Variants in MOB3B observed in about 807,000 individuals in gnomAD.
MOB3B encodes MOB kinase activator 3B, also known as MOB kinase activator-like 2B.
A neutral mutation model predicts 18.7 loss-of-function variants in MOB3B; 7 were observed. The observed-to-expected ratio is 0.37, with a 90% CI of 0.21 to 0.70. The LOEUF (loss-of-function observed/expected upper bound fraction) is 0.70, where lower values mean the gene tolerates loss of function less well. MOB3B is among the 30% of genes least tolerant of loss of function. The probability of loss-of-function intolerance (pLI) is 0.52; values close to 1 mark genes in which losing one functional copy is unlikely to be tolerated. For synonymous variants in MOB3B, 111 were observed against 99.9 expected, an observed-to-expected ratio of 1.11 and a Z score of -0.66; for missense variants, 253 against 281.3, an observed-to-expected ratio of 0.90 and a Z score of 0.72.
intron 1 of MOB3B, among the ~76,000 whole-genome samples, chr9:27,481,219 C>T (rs1052249111): frequency 2.0e-5 from 3 of 152,136 alleles, no homozygotes; most frequent in African/African-American, 7.2e-5. Context: ...AGAAACTGTG[C>T]AACAAACAGC....
At chr9:27,460,088 G>A (rs956827409) in intron 1 of MOB3B, among the ~76,000 whole-genome samples, 15 of 152,178 alleles carry the variant, frequency 9.9e-5, no homozygotes, top group African/African-American at 3.4e-4. Flanking sequence ...TAAAAATGTG[G>A]TCCCTGTCTA....
At chr9:27,330,900 T>C (rs1226009286) in intron 3 of MOB3B, among the ~76,000 whole-genome samples, 1 of 152,182 alleles carries the variant, frequency 6.6e-6, no homozygotes, top group East Asian at 1.9e-4. Context: ...TCTGAACAAC[T>C]GGAGTTGAAG....
chr9:27,377,460 G>C (rs1371222020), intron 2 of MOB3B, among the ~76,000 whole-genome samples: 1 of 152,136 alleles, frequency 6.6e-6, no homozygotes, highest in African/African-American at 2.4e-5. Flanking sequence ...GCCAGGGGTG[G>C]GAGGAAGGGG....
At chr9:27,371,911 T>C (rs1177202923) in intron 2 of MOB3B, among the ~76,000 whole-genome samples, 1 of 152,170 alleles carries the variant, frequency 6.6e-6, no homozygotes, top group African/African-American at 2.4e-5. Context: ...TTTTCAAACG[T>C]TTTATTTATT....
intron 3 of MOB3B, among the ~76,000 whole-genome samples, chr9:27,342,743 C>T (rs528489453): frequency 2.0e-5 from 3 of 152,006 alleles, no homozygotes; most frequent in East Asian, 2.0e-4. Context: ...GCCGGGATTG[C>T]AGATGGAGTC....
At chr9:27,483,125 CTTTTTTTTTTTT>C (rs71492747) in intron 1 of MOB3B, among the ~76,000 whole-genome samples, 4 of 68,544 alleles carry the variant, frequency 5.8e-5, no homozygotes, top group Non-Finnish European at 7.6e-5. Flanking sequence ...ATATACGGTA[CTTTTTTTTTTTT>C]TTTTTTTTTT....
intron 1 of MOB3B, among the ~76,000 whole-genome samples, chr9:27,494,594 A>G (rs577720656): frequency 6.6e-6 from 1 of 152,344 alleles, no homozygotes; most frequent in Admixed American, 6.5e-5. Context: ...GGCTCACTGC[A>G]ACCTCCGCCC....
rs1186511779 is a variant in MOB3B at position 27,397,652 on chromosome 9, T to A, written c.419-38416A>T. Reference sequence around the variant, plus strand: ...GATTCTAGTAATAACAGAAGTTCCCTCCCAAGAATTGCTTTCATGACTAAA... The same window carrying A: ...GATTCTAGTAATAACAGAAGTTCCCACCCAAGAATTGCTTTCATGACTAAA... On this transcript the variant is annotated intron_variant, in intron 2 of 3. Transcript: ENST00000262244. 4 of 152,212 alleles carry A rather than the reference T, an allele frequency of 2.6e-5. No individual in the cohort carries two copies. In the East Asian group the frequency reaches 7.7e-4, roughly 29 times the overall value. 9.4% of individuals were successfully genotyped at this position (152,212 alleles called of 1,614,324 possible). A position where few individuals can be genotyped will look rare whatever the true frequency, so the allele number is the denominator to read the frequency against.
chr9:27,488,939 T>C (rs1304790175), intron 1 of MOB3B, among the ~76,000 whole-genome samples: 1 of 152,234 alleles, frequency 6.6e-6, no homozygotes, highest in East Asian at 1.9e-4. Flanking sequence ...GGGCTCAGAA[T>C]TGTTCCTACT....
At chr9:27,486,246 A>G (rs911296535) in intron 1 of MOB3B, among the ~76,000 whole-genome samples, 1 of 152,250 alleles carries the variant, frequency 6.6e-6, no homozygotes, top group Non-Finnish European at 1.5e-5. Context: ...CAAGTCAAAG[A>G]GTATGAAGAA....
At chr9:27,360,194 T>TTC (rs1411684597) in intron 2 of MOB3B, among the ~76,000 whole-genome samples, 1 of 152,118 alleles carries the variant, frequency 6.6e-6, no homozygotes, top group Non-Finnish European at 1.5e-5. Context: ...CAAGGTAAGG[T>TTC]CTGTTGTTAT....
intron 2 of MOB3B, among the ~76,000 whole-genome samples, chr9:27,381,843 G>A (rs535139954): frequency 7.2e-5 from 11 of 152,020 alleles, no homozygotes; most frequent in South Asian, 2.1e-4. Context: ...ATGACGTCTC[G>A]CTATGTTGCC....
At chr9:27,469,774 G>A (rs2131465947) in intron 1 of MOB3B, among the ~76,000 whole-genome samples, 1 of 152,090 alleles carries the variant, frequency 6.6e-6, no homozygotes, top group East Asian at 1.9e-4. Context: ...ACACTTAATG[G>A]CCCTTCAAAA....
chr9:27,360,387 C>T (rs1433227492), intron 2 of MOB3B, among the ~76,000 whole-genome samples: 1 of 152,156 alleles, frequency 6.6e-6, no homozygotes, highest in Non-Finnish European at 1.5e-5. Flanking sequence ...CGCCTGTAAT[C>T]CCAGCTACTC....
At chr9:27,400,732 G>T (rs1821865646) in intron 2 of MOB3B, among the ~76,000 whole-genome samples, 1 of 152,206 alleles carries the variant, frequency 6.6e-6, no homozygotes, top group African/African-American at 2.4e-5. Flanking sequence ...GTACATGAAA[G>T]GGATGGCCAC....
intron 1 of MOB3B, among the ~76,000 whole-genome samples, chr9:27,513,173 A>T (rs1429379107): frequency 6.6e-5 from 10 of 152,182 alleles, no homozygotes. Context: ...CTTCTGGAAA[A>T]CTGCCTTTGG....
chr9:27,380,160 A>G (rs1326618254), intron 2 of MOB3B, among the ~76,000 whole-genome samples: 9 of 152,072 alleles, frequency 5.9e-5, no homozygotes, highest in Admixed American at 5.9e-4. Context: ...CTAGCAGTGC[A>G]ACTTTAGTGC....
chr9:27,403,092 C>G (rs1422111791), intron 2 of MOB3B, among the ~76,000 whole-genome samples: 1 of 152,158 alleles, frequency 6.6e-6, no homozygotes, highest in Non-Finnish European at 1.5e-5. Flanking sequence ...GTATCTGGCT[C>G]TGATGACCAC....
chr9:27,446,516 G>A (rs1822694688), intron 2 of MOB3B, among the ~76,000 whole-genome samples: 1 of 152,164 alleles, frequency 6.6e-6, no homozygotes, highest in Admixed American at 6.6e-5. Flanking sequence ...TGTTCCCCAA[G>A]CTATAGCAAA....
Sources: gnomAD v4.1 joint callset for allele counts (sites outside exome capture counted in the v4.1 genomes callset) on GRCh38, gnomAD v4.1.1 for gene constraint, MANE v1.5 for transcripts, NCBI Gene and HGNC (gene_info 2026-07-23, HGNC 2026-07-21) for gene names.